IL4R: variants seen among roughly 807,000 people sequenced by gnomAD.
IL4R encodes interleukin-4 receptor subunit alpha.
In IL4R, 17 loss-of-function variants were observed where a neutral mutation model predicts 41.5. The observed-to-expected ratio is 0.41, with a 90% CI of 0.28 to 0.61. IL4R has a LOEUF of 0.61. IL4R is among the 20% of genes least tolerant of loss of function. The probability of loss-of-function intolerance (pLI) is 0.31; values close to 1 mark genes in which losing one functional copy is unlikely to be tolerated. For missense variants in IL4R, 974 were observed against 1,043.1 expected (o/e 0.93, Z 0.91); for synonymous variants, 402 against 422.9 (o/e 0.95, Z 0.61).
At chr16:27,356,199 C>T (rs1401804906) in intron 8 of IL4R, among the ~76,000 whole-genome samples, 1 of 148,518 alleles carries the variant, frequency 6.7e-6, no homozygotes, top group Non-Finnish European at 1.5e-5. Context: ...TCAAGCAATT[C>T]TTCTGCCTCA....
chr16:27,334,024 A>G (rs1340708279), intron 2 of IL4R, among the ~76,000 whole-genome samples: 2 of 152,008 alleles, frequency 1.3e-5, no homozygotes, highest in Admixed American at 6.6e-5. Flanking sequence ...CTGGGACTAC[A>G]GGCACCCGCC....
intron 2 of IL4R, 111 bp from the exon 3 acceptor site, chr16:27,340,075 G>GCAAA: frequency 5.7e-6 from 4 of 704,716 alleles, no homozygotes; most frequent in Non-Finnish European, 9.7e-6. Context: ...AAACAAACAA[G>GCAAA]CAAACAAACA....
At chr16:27,320,797 G>T (rs1289035797) in intron 1 of IL4R, among the ~76,000 whole-genome samples, 1 of 152,174 alleles carries the variant, frequency 6.6e-6, no homozygotes, top group African/African-American at 2.4e-5. Flanking sequence ...CCAGCTCTCT[G>T]GGCTGGGCAG....
intron 1 of IL4R, among the ~76,000 whole-genome samples, chr16:27,328,205 C>CAAAAA (rs779355998): frequency 1.4e-5 from 1 of 70,480 alleles, no homozygotes; most frequent in Admixed American, 1.8e-4. Flanking sequence ...GGCTCCATCT[C>CAAAAA]AAAAAAAAAA....
chr16:27,345,756 A>C lies in IL4R; in HGVS notation c.362-711A>C, dbSNP rs568045451. ...GAGGCCGAGCCCAGCGGATCACCGG[A>C]GGTCAGGAGTTCGAGACCAGCCTGG... On this transcript the variant is annotated intron_variant, in intron 5 of 10. Transcript: ENST00000395762. The surrounding 1 kb of genome is among the most constrained non-coding windows in gnomAD (Gnocchi z 4.5). 1.3e-5 allele frequency among the ~76,000 whole-genome samples: 2 copies of C among 152,082 alleles called. No homozygotes were observed. Among genetic ancestry groups the C allele is most frequent in the African/African-American group, 4.8e-5 (2 of 41,452 alleles).
Position 27,345,042 on chromosome 16 carries a change from A to G in IL4R, c.361+22A>G. The G allele has an allele frequency of 3.5e-6, 5 of 1,445,320 alleles. No individual in the cohort carries two copies. The highest frequency in any genetic ancestry group is 4.6e-6 in the Non-Finnish European group (5 of 1,089,246). 89.5% of individuals were successfully genotyped at this position (1,445,320 alleles called of 1,614,324 possible). A position where few individuals can be genotyped will look rare whatever the true frequency, so the allele number is the denominator to read the frequency against. Reference sequence around the variant, plus strand: ...CATGGTGAGCAGGGCGGAGTGCGGCAGGGGTGGCTGGGTGTGTTCCCACAG... The same window carrying G: ...CATGGTGAGCAGGGCGGAGTGCGGCGGGGGTGGCTGGGTGTGTTCCCACAG... On this transcript the variant is annotated intron_variant, in intron 5 of 10. Coordinates refer to ENST00000395762, the MANE Select transcript of IL4R (RefSeq NM_000418.4). This position sits in a 1 kb window ranked among gnomAD's most constrained non-coding sequence, Gnocchi z 4.5.
chr16:27,336,786 G>A (rs2085273152), intron 2 of IL4R, among the ~76,000 whole-genome samples: 1 of 149,866 alleles, frequency 6.7e-6, no homozygotes, highest in African/African-American at 2.5e-5. Context: ...TGTTTAAGAA[G>A]TGCAGGTGGC....
At chr16:27,360,893 T>G in intron 10 of IL4R, 78 bp downstream of exon 10, 1 of 1,612,520 alleles carries the variant, frequency 6.2e-7, no homozygotes, top group Non-Finnish European at 8.5e-7. Flanking sequence ...CCTAGCTCCA[T>G]GTCTGCCTTC....
chr16:27,339,679 A>G (rs2085374316), intron 2 of IL4R, among the ~76,000 whole-genome samples: 1 of 152,102 alleles, frequency 6.6e-6, no homozygotes, highest in Admixed American at 6.6e-5. Flanking sequence ...CACCCTCTGG[A>G]CTTTGTGGGT....
chr16:27,355,971 C>T (rs1476583759), intron 8 of IL4R, 64 bp downstream of exon 8: 3 of 1,106,314 alleles, frequency 2.7e-6, no homozygotes, highest in Non-Finnish European at 4.1e-6. Flanking sequence ...GGGACTTGCC[C>T]CTCTAGTCTG....
chr16:27,317,854 G>A (rs1308460953), intron 1 of IL4R, among the ~76,000 whole-genome samples: 6 of 152,216 alleles, frequency 3.9e-5, no homozygotes, highest in African/African-American at 1.4e-4. Flanking sequence ...CTTGGAAGGC[G>A]CTCAGTGATT....
At position 27,363,640 on chromosome 16, in the gene IL4R, A is replaced by G; in HGVS notation, c.2288A>G (p.Asp763Gly). 6.2e-7 allele frequency: 1 copy of G among 1,611,930 alleles called. No homozygotes were observed. Among genetic ancestry groups the G allele is most frequent in the Non-Finnish European group, 8.5e-7 (1 of 1,179,460 alleles). Residue 763 changes from aspartate to glycine, a missense_variant, in exon 11 of 11, where the codon GAC (aspartate) becomes GGC (glycine). Around this residue, in one of 3 missense-constraint regions of IL4R, gnomAD observed 682 missense variants for 704.3 expected, o/e 0.97. Transcript: ENST00000395762. ...SPPTTPLRAP[D>G]PSPGGVPLEA... ...CCTACAACCCCCCTGAGGGCCCCAG[A>G]CCCCTCTCCAGGTGGGGTTCCACTG... is the stretch of plus-strand genomic sequence containing the variant.
intron 1 of IL4R, 191 bp downstream of exon 1, chr16:27,314,211 A>G (rs2141035480): frequency 2.7e-6 from 2 of 736,238 alleles, no homozygotes; most frequent in Non-Finnish European, 3.3e-6. Context: ...GCCGAACGGC[A>G]GCGGAGGCGC....
At chr16:27,350,097 CT>C (rs940141141) in intron 6 of IL4R, among the ~76,000 whole-genome samples, 1 of 152,180 alleles carries the variant, frequency 6.6e-6, no homozygotes, top group Non-Finnish European at 1.5e-5. Context: ...AGCCTGTGCT[CT>C]TTTTCCTCCC....
At chr16:27,358,699 C>T (rs1220309237) in intron 8 of IL4R, among the ~76,000 whole-genome samples, 1 of 152,178 alleles carries the variant, frequency 6.6e-6, no homozygotes, top group Non-Finnish European at 1.5e-5. Context: ...GCTGTCACTC[C>T]ACCTCCTTGG....
At chr16:27,340,434 T>C (rs1292086433) in intron 3 of IL4R, among the ~76,000 whole-genome samples, 161 bp downstream of exon 3, 1 of 151,952 alleles carries the variant, frequency 6.6e-6, no homozygotes, top group Non-Finnish European at 1.5e-5. Context: ...TGTTAGAAAG[T>C]GATGGGAGCC....
At chr16:27,355,988 T>A in intron 8 of IL4R, 81 bp downstream of exon 8, 1 of 872,010 alleles carries the variant, frequency 1.1e-6, no homozygotes, top group East Asian at 2.4e-5. Context: ...TCTGCCCCTT[T>A]GCAGTCCTCT....
intron 1 of IL4R, among the ~76,000 whole-genome samples, chr16:27,320,732 A>G (rs539240788): frequency 4.6e-5 from 7 of 152,354 alleles, no homozygotes; most frequent in African/African-American, 1.4e-4. Flanking sequence ...TGAAGCGGCC[A>G]GGGAAGTATT....
chr16:27,336,540 T>A (rs2085263647), intron 2 of IL4R, among the ~76,000 whole-genome samples: 1 of 151,678 alleles, frequency 6.6e-6, no homozygotes, highest in South Asian at 2.1e-4. Flanking sequence ...TAGCCAGGCC[T>A]CATGGTGCAC....
Sources: allele counts gnomAD v4.1 joint callset (sites outside exome capture counted in the v4.1 genomes callset), GRCh38; gene constraint gnomAD v4.1.1; regional missense constraint gnomAD v4.1.1; non-coding constraint Gnocchi (gnomAD v3.1); transcripts MANE v1.5; gene names NCBI Gene and HGNC (gene_info 2026-07-23, HGNC 2026-07-21).